Variants in PMM2 observed in about 807,000 individuals in gnomAD.
The protein encoded by PMM2 is phosphomannomutase 2.
PMM2 carries 35 observed loss-of-function variants against 33.2 expected under a neutral mutation model. The observed-to-expected ratio is 1.06, with a 90% CI of 0.81 to 1.40. The LOEUF (loss-of-function observed/expected upper bound fraction) is 1.40. Ranked by LOEUF, PMM2 falls within the 40% of genes most tolerant of loss-of-function variation. The pLI is 0.00. For synonymous variants in PMM2, 153 were observed against 114.7 expected (o/e 1.33, Z -2.13); for missense variants, 386 against 306.0 (o/e 1.26, Z -1.95).
Position 8,811,680 on chromosome 16 carries a change from G to A in PMM2, c.490G>A (p.Glu164Lys). ...AAAGTTTGTAGCAGATCTACGGAAAGAGTTTGCTGGAAAAGGCCTCACGTT... is the reference window on the plus strand; with the variant it reads ...AAAGTTTGTAGCAGATCTACGGAAAAAGTTTGCTGGAAAAGGCCTCACGTT... ...RQKFVADLRK[E>K]FAGKGLTFSI... The change falls in exon 6 of 8, where the codon GAG becomes AAG. Residue 164 changes from glutamate to lysine, a missense_variant. Coordinates refer to ENST00000268261, the MANE Select transcript of PMM2 (RefSeq NM_000303.3). The A allele has an allele frequency of 6.2e-7, 1 of 1,613,496 alleles. No individual in the cohort carries two copies. The highest frequency in any genetic ancestry group is 8.5e-7 in the Non-Finnish European group (1 of 1,179,414).
At position 8,813,103 on chromosome 16, in the gene PMM2, G is replaced by C; in HGVS notation, c.636G>C (p.Met212Ile). 6.4e-7 allele frequency: 1 copy of C among 1,564,158 alleles called. No individual in the cohort carries two copies. The highest frequency in any genetic ancestry group is 8.8e-7 in the Non-Finnish European group (1 of 1,134,362). ...KTIYFFGDKT[M>I]PGGNDHEIFT... ...TTTATTTCTTTGGAGACAAAACTAT[G>C]CCAGTAAGTAGAGAAGTGTTTGTGC... Residue 212 changes from methionine (M) to isoleucine (I), a missense_variant, in exon 7 of 8, where the codon ATG becomes ATC. Coordinates refer to ENST00000268261, the MANE Select transcript of PMM2 (RefSeq NM_000303.3).
At chr16:8,812,946 C>T in intron 6 of PMM2, 45 bp from the exon 7 acceptor site, 1 of 1,034,926 alleles carries the variant, frequency 9.7e-7, no homozygotes, top group Non-Finnish European at 1.5e-6. Context: ...ATCATTAGCC[C>T]CTTTTTCACC....
At chr16:8,832,725 G>C (rs2060817988) in intron 7 of PMM2, 2 of 985,214 alleles carry the variant, frequency 2.0e-6, no homozygotes, top group Non-Finnish European at 2.4e-6. Flanking sequence ...CATGGCCCGG[G>C]CTTGCAGGCT....
intron 7 of PMM2, among the ~76,000 whole-genome samples, chr16:8,829,941 A>G (rs1012872237): frequency 2.0e-5 from 3 of 152,208 alleles, no homozygotes; most frequent in Non-Finnish European, 4.4e-5. Flanking sequence ...TAGGGCAGAT[A>G]CCCCATGCTG....
At chr16:8,806,701 G>C (rs2060650321) in intron 4 of PMM2, 1 of 455,300 alleles carries the variant, frequency 2.2e-6, no homozygotes, top group Non-Finnish European at 4.0e-6. Context: ...GGAATAATTG[G>C]AAACAGTCCA....
chr16:8,846,259 C>T (rs1192397897), intron 7 of PMM2, among the ~76,000 whole-genome samples: 1 of 152,132 alleles, frequency 6.6e-6, no homozygotes, highest in Non-Finnish European at 1.5e-5. Context: ...TTTCCAGAGG[C>T]AATTAATTCT....
At chr16:8,802,363 T>A (rs755479222) in intron 2 of PMM2, 4 of 445,938 alleles carry the variant, frequency 9.0e-6, no homozygotes, top group Non-Finnish European at 1.8e-5. Flanking sequence ...ACTTGATAGG[T>A]CTGTGGAGCC....
At chr16:8,845,060 C>G (rs1442236512) in intron 7 of PMM2, among the ~76,000 whole-genome samples, 2 of 152,224 alleles carry the variant, frequency 1.3e-5, no homozygotes, top group African/African-American at 4.8e-5. Context: ...GACCACCAAA[C>G]AGGCTTTGTG....
intron 7 of PMM2, among the ~76,000 whole-genome samples, chr16:8,827,759 T>TATATATGC (rs1437300855): frequency 2.7e-5 from 2 of 75,318 alleles, no homozygotes; most frequent in Non-Finnish European, 5.2e-5. Context: ...TATATATATA[T>TATATATGC]ATGCACACAT....
At chr16:8,843,383 A>G (rs1008535945) in intron 7 of PMM2, among the ~76,000 whole-genome samples, 48 of 152,208 alleles carry the variant, frequency 3.2e-4, no homozygotes, top group Non-Finnish European at 6.0e-4. Flanking sequence ...AGTCAGTCAG[A>G]GAGCCTTGGG....
intron 7 of PMM2, among the ~76,000 whole-genome samples, chr16:8,827,915 TTA>T (rs1438429846): frequency 2.4e-4 from 22 of 91,090 alleles, no homozygotes; most frequent in South Asian, 8.8e-4. Flanking sequence ...ATTATATATA[TTA>T]TGTTTTATAT....
chr16:8,818,347 C>G (rs2060719306), intron 7 of PMM2, among the ~76,000 whole-genome samples: 2 of 152,326 alleles, frequency 1.3e-5, no homozygotes, highest in East Asian at 3.9e-4. Context: ...TCTTTGCCCC[C>G]ATCCCTGATC....
intron 7 of PMM2, among the ~76,000 whole-genome samples, chr16:8,826,344 C>G (rs1420131553): frequency 6.6e-6 from 1 of 151,902 alleles, no homozygotes; most frequent in Non-Finnish European, 1.5e-5. Flanking sequence ...AATTACATAC[C>G]AAGTGCAGAG....
Position 8,804,641 on chromosome 16 carries a change from A to G in PMM2, c.179-126A>G, listed in dbSNP as rs571186016. On this transcript the variant is annotated intron_variant, in intron 2 of 7. Transcript: ENST00000268261. ...CCATACTCTTCTCTTAGTCTGTAAG[A>G]TGAGATAGTCTTTCACAGTCCTTGC... 1.8e-3 allele frequency: 1,314 copies of G among 722,608 alleles called. 5 individuals are homozygous for G. Among genetic ancestry groups the G allele is most frequent in the Admixed American group, 3.1e-3 (144 of 46,756 alleles). 44.8% of individuals were successfully genotyped at this position (722,608 alleles called of 1,614,324 possible).
intron 7 of PMM2, among the ~76,000 whole-genome samples, chr16:8,840,297 C>T (rs544970630): frequency 6.6e-6 from 1 of 151,850 alleles, no homozygotes; most frequent in Non-Finnish European, 1.5e-5. Context: ...GCCTTGCCAG[C>T]AAAGATCATC....
At chr16:8,841,195 C>G (rs1365800052) in intron 7 of PMM2, among the ~76,000 whole-genome samples, 1 of 150,980 alleles carries the variant, frequency 6.6e-6, no homozygotes, top group East Asian at 1.9e-4. Flanking sequence ...TATGAAGGTT[C>G]CACTGAATAC....
chr16:8,800,963 A>G (rs117752502), intron 1 of PMM2, among the ~76,000 whole-genome samples: 1,873 of 152,330 alleles, frequency 0.012, 15 homozygotes, highest in Non-Finnish European at 0.021. Context: ...GATTACAGGC[A>G]TGAGCCTCCA....
At chr16:8,801,389 G>C (rs1451534101) in intron 1 of PMM2, among the ~76,000 whole-genome samples, 1 of 152,140 alleles carries the variant, frequency 6.6e-6, no homozygotes, top group East Asian at 1.9e-4. Flanking sequence ...ATGAAAATAA[G>C]GCTTATAGAC....
intron 7 of PMM2, among the ~76,000 whole-genome samples, chr16:8,821,257 G>A (rs1169961060): frequency 6.6e-6 from 1 of 152,134 alleles, no homozygotes; most frequent in Non-Finnish European, 1.5e-5. Flanking sequence ...ATTGATGAGA[G>A]GTTCTCAGCC....
Sources: allele counts gnomAD v4.1 joint callset (sites outside exome capture counted in the v4.1 genomes callset), GRCh38; gene constraint gnomAD v4.1.1; transcripts MANE v1.5; gene names NCBI Gene and HGNC (gene_info 2026-07-23, HGNC 2026-07-21).